The following SORBS2 variants were observed in gnomAD, a reference collection of about 807,000 sequenced individuals.
SORBS2 encodes the protein sorbin and SH3 domain-containing protein 2.
In SORBS2, 46 loss-of-function variants were observed where a neutral mutation model predicts 97.7. The ratio of observed to expected loss-of-function variants is 0.47; its 90% CI spans 0.37 to 0.60. The LOEUF (loss-of-function observed/expected upper bound fraction) is 0.60. SORBS2 is among the 20% of genes least tolerant of loss of function. The pLI is 0.00. For missense variants in SORBS2, 1,316 were observed against 1,282.3 expected (o/e 1.03, Z -0.40); for synonymous variants, 476 against 473.4 (o/e 1.01, Z -0.07).
At chr4:185,700,299 G>A (rs188094258) in intron 2 of SORBS2, among the ~76,000 whole-genome samples, 1 of 151,432 alleles carries the variant, frequency 6.6e-6, no homozygotes, top group African/African-American at 2.4e-5. Flanking sequence ...ATGAGTCTGT[G>A]CGTGAGTCAG....
At chr4:185,832,212 TC>T (rs1255931044) in intron 1 of SORBS2, among the ~76,000 whole-genome samples, 2 of 152,236 alleles carry the variant, frequency 1.3e-5, no homozygotes, top group Admixed American at 6.5e-5. Flanking sequence ...TTGTCTGGAA[TC>T]TTTTCTAGGC....
chr4:185,624,332 C>T (rs746880419), exon 7 of SORBS2: 3 of 1,614,130 alleles, frequency 1.9e-6, no homozygotes, highest in Admixed American at 3.3e-5. Flanking sequence ...TGCGTTTTGC[C>T]GGGCCATTTG....
Position 185,614,978 on chromosome 4 carries a change from T to C in SORBS2, c.2467-19A>G, listed in dbSNP as rs369430785. ...TGAGTTTCTATGAAGGAAATAGTCA[T>C]TTATTCTCAAATCTGCGGTGACCTT... is the stretch of plus-strand genomic sequence containing the variant. On this transcript the variant is annotated intron_variant, in intron 10 of 14. Transcript: ENST00000418609. 2.7e-5 allele frequency: 43 copies of C among 1,614,026 alleles called. No individual in the cohort carries two copies. The highest frequency in any genetic ancestry group is 2.3e-4 in the African/African-American group (17 of 74,912).
At chr4:185,797,767 C>T (rs1271944836) in intron 1 of SORBS2, among the ~76,000 whole-genome samples, 1 of 151,922 alleles carries the variant, frequency 6.6e-6, no homozygotes, top group South Asian at 2.1e-4. Context: ...CTCTTCCATG[C>T]CCCCACACCA....
intron 1 of SORBS2, among the ~76,000 whole-genome samples, chr4:185,808,754 T>C (rs2099167079): frequency 6.6e-6 from 1 of 152,192 alleles, no homozygotes; most frequent in South Asian, 2.1e-4. Context: ...GACCTTTACT[T>C]TCTTCTGGTT....
intron 4 of SORBS2, among the ~76,000 whole-genome samples, chr4:185,636,513 T>G (rs2097005272): frequency 6.6e-6 from 1 of 152,178 alleles, no homozygotes; most frequent in African/African-American, 2.4e-5. Flanking sequence ...CTAAAAAAAC[T>G]ATCAGTGTAA....
exon 8 of SORBS2, chr4:185,620,070 T>G: frequency 1.2e-6 from 2 of 1,600,550 alleles, no homozygotes; most frequent in East Asian, 2.2e-5. Context: ...TACCTCTTTT[T>G]CTGGAGTTCC....
chr4:185,599,271 A>G (rs1041202372), intron 12 of SORBS2, among the ~76,000 whole-genome samples: 1 of 152,220 alleles, frequency 6.6e-6, no homozygotes, highest in African/African-American at 2.4e-5. Context: ...AAATGAGGAA[A>G]GGAATCCTGA....
intron 1 of SORBS2, among the ~76,000 whole-genome samples, chr4:185,816,634 A>T (rs2153669439): frequency 6.6e-6 from 1 of 152,322 alleles, no homozygotes; most frequent in African/African-American, 2.4e-5. Context: ...ACTGACCCAC[A>T]GGCTACTAAT....
chr4:185,594,542 C>T (rs371982283), intron 12 of SORBS2, among the ~76,000 whole-genome samples: 4 of 152,092 alleles, frequency 2.6e-5, no homozygotes, highest in Non-Finnish European at 4.4e-5. Context: ...GAACAATATC[C>T]GGGTAACATG....
chr4:185,923,609 T>A (rs554476741), intron 1 of SORBS2, among the ~76,000 whole-genome samples: 1 of 151,936 alleles, frequency 6.6e-6, no homozygotes, highest in East Asian at 1.9e-4. Context: ...AATTTTTCTA[T>A]AGACCTTTGT....
intron 1 of SORBS2, among the ~76,000 whole-genome samples, chr4:185,806,515 T>TCTC (rs2099156096): frequency 1.4e-5 from 2 of 139,658 alleles, no homozygotes; most frequent in African/African-American, 5.4e-5. Flanking sequence ...TGGAGTGCAG[T>TCTC]GGCGGGATCT....
intron 2 of SORBS2, among the ~76,000 whole-genome samples, chr4:185,692,799 T>A (rs2098119548): frequency 9.6e-6 from 1 of 104,526 alleles, no homozygotes. Context: ...CACATGTATA[T>A]GTGCACACAT....
chr4:185,946,912 C>G (rs1035342285), intron 1 of SORBS2, among the ~76,000 whole-genome samples: 6 of 152,222 alleles, frequency 3.9e-5, no homozygotes, highest in African/African-American at 1.4e-4. Context: ...TCATCCCTGA[C>G]TATGTGTGCC....
rs537918512 is a variant in SORBS2, at chr4:185,688,932, A to G, written c.-197-10110T>C. 9.2e-5 allele frequency among the ~76,000 whole-genome samples: 14 copies of G among 152,282 alleles called. No homozygotes were observed. The East Asian group carries it at 2.5e-3, about 27-fold the overall frequency. ...TCATCCAAATAAGCAAAATAATCCT[A>G]TACAAATTGCATCCCATCCAGAGTC... On this transcript the variant is annotated intron_variant, in intron 2 of 20. Coordinates refer to the SORBS2 transcript ENST00000284776.
chr4:185,871,492 G>A (rs895837774), intron 1 of SORBS2, among the ~76,000 whole-genome samples: 1 of 152,178 alleles, frequency 6.6e-6, no homozygotes, highest in Non-Finnish European at 1.5e-5. Context: ...AAAATTCAGG[G>A]ATGCTGTAAT....
intron 2 of SORBS2, among the ~76,000 whole-genome samples, chr4:185,689,371 T>G (rs1241013096): frequency 6.6e-6 from 1 of 152,198 alleles, no homozygotes; most frequent in African/African-American, 2.4e-5. Flanking sequence ...GGGCTCTACA[T>G]TCTATTTGCT....
exon 2 of SORBS2, chr4:185,652,712 T>C (rs1171261502): frequency 6.2e-7 from 1 of 1,614,116 alleles, no homozygotes; most frequent in Non-Finnish European, 8.5e-7. Context: ...GTACCAGTCC[T>C]TGGGCCGGTC....
At position 185,815,055 on chromosome 4, in the gene SORBS2, C is replaced by T. The variant is rs996075678; in HGVS notation, c.-337-39689G>A. On this transcript the variant is annotated intron_variant, in intron 1 of 20. Coordinates refer to the SORBS2 transcript ENST00000284776. Reference sequence around the variant, plus strand: ...AGTGAGATACCACCTATGTGGCCAGCAGCTTTATACATGGGCTGCCCTGTG... The same window carrying T: ...AGTGAGATACCACCTATGTGGCCAGTAGCTTTATACATGGGCTGCCCTGTG... Among the ~76,000 whole-genome samples, 11 of 152,240 alleles carry T rather than the reference C, an allele frequency of 7.2e-5. No homozygotes were observed. The East Asian group carries it at 1.9e-3, about 27-fold the overall frequency.
Sources: allele counts gnomAD v4.1 joint callset (sites outside exome capture counted in the v4.1 genomes callset), GRCh38; gene constraint gnomAD v4.1.1; transcripts MANE v1.5; gene names NCBI Gene and HGNC (gene_info 2026-07-23, HGNC 2026-07-21).